The following CTNNA3 variants were observed in gnomAD, a reference collection of about 807,000 sequenced individuals.
CTNNA3 encodes the protein catenin alpha 3, also known as catenin alpha-3.
Under a neutral mutation model 95.7 loss-of-function variants are expected in CTNNA3, and 76 were observed. The ratio of observed to expected loss-of-function variants is 0.79; its 90% CI spans 0.66 to 0.96. The LOEUF is 0.96. CTNNA3 is among the 40% of genes least tolerant of loss of function. The probability of loss-of-function intolerance (pLI) is 0.00; values close to 1 mark genes in which losing one functional copy is unlikely to be tolerated. For missense variants in CTNNA3, 1,191 were observed against 1,089.8 expected (o/e 1.09, Z -1.31); for synonymous variants, 431 against 374.4 (o/e 1.15, Z -1.74).
chr10:66,063,349 C>G (rs1404980247), intron 15 of CTNNA3, among the ~76,000 whole-genome samples: 1 of 148,110 alleles, frequency 6.8e-6, no homozygotes, highest in Non-Finnish European at 1.5e-5. Context: ...AGTCGATTAC[C>G]TTTTATATAT....
At chr10:65,948,424 G>A (rs1476658395) in intron 17 of CTNNA3, among the ~76,000 whole-genome samples, 2 of 151,974 alleles carry the variant, frequency 1.3e-5, no homozygotes, top group Non-Finnish European at 2.9e-5. Flanking sequence ...AAAAAACACT[G>A]AATGTTGCTA....
At chr10:67,373,300 C>CA (rs769682644) in intron 5 of CTNNA3, among the ~76,000 whole-genome samples, 4 of 150,494 alleles carry the variant, frequency 2.7e-5, no homozygotes, top group African/African-American at 2.4e-5. Flanking sequence ...AAATGGAAAA[C>CA]AAAAAAAAGG....
intron 2 of CTNNA3, among the ~76,000 whole-genome samples, chr10:67,625,359 C>T (rs781322569): frequency 6.6e-6 from 1 of 152,158 alleles, no homozygotes. Flanking sequence ...ACCTCCTCAA[C>T]CATCTGTCAC....
At chr10:67,132,094 G>C (rs537413486) in intron 7 of CTNNA3, among the ~76,000 whole-genome samples, 1 of 152,208 alleles carries the variant, frequency 6.6e-6, no homozygotes, top group Non-Finnish European at 1.5e-5. Flanking sequence ...TGAATAGACA[G>C]ACAAGGATAG....
chr10:66,722,327 TAGATTGCGACACTGCACTCC>T (rs66528276), intron 9 of CTNNA3, among the ~76,000 whole-genome samples: 3,578 of 150,734 alleles, frequency 0.024, 175 homozygotes, highest in East Asian at 0.22. Context: ...GCAGTGAGCC[TAGATTGCGACACTGCACTCC>T]AGACTGGACG....
At chr10:67,589,087 G>C (rs1252356392) in intron 3 of CTNNA3, among the ~76,000 whole-genome samples, 1 of 151,886 alleles carries the variant, frequency 6.6e-6, no homozygotes, top group African/African-American at 2.4e-5. Context: ...GTAAGGCTCT[G>C]GGGAAAGACA....
chr10:67,349,909 C>CCCCT, intron 5 of CTNNA3, among the ~76,000 whole-genome samples: 1 of 152,104 alleles, frequency 6.6e-6, no homozygotes, highest in South Asian at 2.1e-4. Context: ...TAAGTGGGAA[C>CCCCT]CCCTACACAG....
At chr10:66,810,155 T>C (rs1202523997) in intron 7 of CTNNA3, among the ~76,000 whole-genome samples, 1 of 152,212 alleles carries the variant, frequency 6.6e-6, no homozygotes, top group East Asian at 1.9e-4. Context: ...AATTCTCTTT[T>C]AGTATAATGA....
At chr10:66,308,539 T>A (rs12785125) in intron 12 of CTNNA3, among the ~76,000 whole-genome samples, 2 of 151,812 alleles carry the variant, frequency 1.3e-5, no homozygotes, top group Non-Finnish European at 2.9e-5. Flanking sequence ...TAGCAATTTA[T>A]AAACAAAAAC....
intron 7 of CTNNA3, among the ~76,000 whole-genome samples, chr10:67,042,407 T>C (rs945965086): frequency 1.3e-5 from 2 of 152,112 alleles, no homozygotes; most frequent in African/African-American, 2.4e-5. Context: ...AATTATATCA[T>C]TGGGAAATAA....
rs12250064 is a variant in CTNNA3, at chr10:67,554,163, T to G, written c.293-14494A>C. On this transcript the variant is annotated intron_variant, in intron 3 of 17. Transcript: ENST00000433211. The stretch of plus-strand genomic sequence containing the variant: ...TTTTCTTAATCCAGTCTATCATTGT[T>G]GGACATTTGGGTTGGTTTCAAGTCT... Among the ~76,000 whole-genome samples, 1,082 of 152,348 alleles carry G rather than the reference T, an allele frequency of 7.1e-3. 14 individuals are homozygous for G. Among genetic ancestry groups the G allele is most frequent in the African/African-American group, 0.025 (1,044 of 41,580 alleles).
At chr10:66,950,419 T>G (rs936181740) in intron 7 of CTNNA3, among the ~76,000 whole-genome samples, 8 of 152,200 alleles carry the variant, frequency 5.3e-5, no homozygotes, top group Non-Finnish European at 8.8e-5. Flanking sequence ...ATATGTTTAA[T>G]AAATGTCTGT....
intron 7 of CTNNA3, among the ~76,000 whole-genome samples, chr10:67,025,144 AAAAG>A (rs1564839374): frequency 2.8e-4 from 41 of 147,374 alleles, no homozygotes; most frequent in African/African-American, 7.7e-4. Context: ...ACAAAAAAAA[AAAAG>A]AAAGAAAGGA....
intron 13 of CTNNA3, among the ~76,000 whole-genome samples, chr10:66,228,602 A>G (rs2089437971): frequency 6.6e-6 from 1 of 152,094 alleles, no homozygotes. Flanking sequence ...GATGAGAACA[A>G]TGTGTACTTG....
intron 7 of CTNNA3, among the ~76,000 whole-genome samples, chr10:66,778,819 T>C (rs770856965): frequency 2.6e-5 from 4 of 151,882 alleles, no homozygotes; most frequent in Non-Finnish European, 5.9e-5. Flanking sequence ...TTACTAAACA[T>C]ACAAGAATTA....
chr10:67,564,677 G>GTATGTATATATATATATATA (rs1554854250), intron 3 of CTNNA3, among the ~76,000 whole-genome samples: 2 of 61,334 alleles, frequency 3.3e-5, no homozygotes, highest in Admixed American at 2.2e-4. Context: ...GTGTGTGTGT[G>GTATGTATATATATATATATA]TATATATATA....
intron 9 of CTNNA3, among the ~76,000 whole-genome samples, chr10:66,651,147 G>C (rs1339358657): frequency 1.3e-5 from 2 of 152,160 alleles, no homozygotes; most frequent in African/African-American, 4.8e-5. Flanking sequence ...CCGTGAGCTA[G>C]ACAAAGAGTG....
At chr10:67,054,615 G>A (rs1250209460) in intron 7 of CTNNA3, 1 of 152,118 alleles carries the variant, frequency 6.6e-6, no homozygotes, top group African/African-American at 2.4e-5. Context: ...CTTCCTTCCA[G>A]GTTCAATATG....
In CTNNA3 at chr10:66,588,117, C is replaced by A. The variant is rs901310595; in HGVS notation, c.1374+33575G>T. 2.6e-5 allele frequency among the ~76,000 whole-genome samples: 4 copies of A among 152,142 alleles called. No individual in the cohort carries two copies. The South Asian group carries it at 8.3e-4, about 32-fold the overall frequency. On this transcript the variant is annotated intron_variant, in intron 10 of 17. Coordinates refer to ENST00000433211, the MANE Select transcript of CTNNA3 (RefSeq NM_013266.4). ...TGTGAAAGTGCAGGCAATGTGCATC[C>A]TGATACCGCTTCTTCTCACCCCATC...
Sources: gnomAD v4.1 joint callset for allele counts (sites outside exome capture counted in the v4.1 genomes callset) on GRCh38, gnomAD v4.1.1 for gene constraint, MANE v1.5 for transcripts, NCBI Gene and HGNC (gene_info 2026-07-23, HGNC 2026-07-21) for gene names.